Variants in MGAT4C observed in about 807,000 individuals in gnomAD.
MGAT4C encodes the protein MGAT4 family member C.
Under a neutral mutation model 40.1 loss-of-function variants are expected in MGAT4C, and 19 were observed. The ratio of observed to expected loss-of-function variants is 0.47; its 90% CI spans 0.33 to 0.70. MGAT4C has a LOEUF of 0.70. Among genes scored for constraint, MGAT4C ranks in the 30% least tolerant of loss-of-function variants. MGAT4C has a pLI of 0.02. For synonymous variants in MGAT4C, 181 were observed against 187.1 expected, an observed-to-expected ratio of 0.97 and a Z score of 0.27; for missense variants, 491 against 563.2, an observed-to-expected ratio of 0.87 and a Z score of 1.30.
At chr12:86,321,951 T>C (rs1954400714) in intron 4 of MGAT4C, among the ~76,000 whole-genome samples, 1 of 151,980 alleles carries the variant, frequency 6.6e-6, no homozygotes, top group African/African-American at 2.4e-5. Context: ...CTATTCACAA[T>C]AGCAAAGACT....
rs146970686 is a variant in MGAT4C at position 86,637,971 on chromosome 12, T to C, written c.-229+89238A>G. Among the ~76,000 whole-genome samples the C allele has an allele frequency of 3.0e-3, 463 of 152,082 alleles. 2 individuals carry two copies. The highest frequency in any genetic ancestry group is 0.011 in the African/African-American group (442 of 41,560). On this transcript the variant is annotated intron_variant, in intron 2 of 7. Coordinates refer to the MGAT4C transcript ENST00000548651. The stretch of plus-strand genomic sequence containing the variant: ...TACTATTTGTGCATGATTATTTTAA[T>C]ACTTCAGAGAACATGGCCAAGCAGC...
At chr12:86,525,608 G>C (rs990543518) in intron 2 of MGAT4C, among the ~76,000 whole-genome samples, 2 of 152,082 alleles carry the variant, frequency 1.3e-5, no homozygotes, top group African/African-American at 4.8e-5. Flanking sequence ...ACCTTTGCAT[G>C]TTTTTTTCTT....
chr12:86,172,131 A>G (rs767602112), intron 1 of MGAT4C, among the ~76,000 whole-genome samples: 13 of 152,194 alleles, frequency 8.5e-5, no homozygotes, highest in Non-Finnish European at 1.5e-4. Context: ...GAATTGAATG[A>G]AGTAATATGA....
chr12:86,666,793 A>G (rs888236853), intron 2 of MGAT4C, among the ~76,000 whole-genome samples: 1 of 152,198 alleles, frequency 6.6e-6, no homozygotes, highest in Non-Finnish European at 1.5e-5. Context: ...AGATGTCCTT[A>G]AACAGTGAAG....
At chr12:86,577,038 T>C (rs546829441) in intron 2 of MGAT4C, among the ~76,000 whole-genome samples, 1 of 151,808 alleles carries the variant, frequency 6.6e-6, no homozygotes, top group East Asian at 1.9e-4. Context: ...TCTTTTGTTA[T>C]GTTAATTCCT....
rs539437719 is a variant in MGAT4C, at chr12:86,349,891, TAAATATAATTTATTCC to T, written c.-119-15780_-119-15765del. ...AATACCTTCTTTCTAATCTAAAATG[TAAATATAATTTATTCC>T]AAATATAATTTATTCCATAAATTCT... On this transcript the variant is annotated intron_variant, in intron 3 of 7. Transcript: ENST00000548651. 2.6e-4 allele frequency among the ~76,000 whole-genome samples: 39 copies of T among 152,224 alleles called. 1 individual carries two copies. Among genetic ancestry groups the T allele is most frequent in the African/African-American group, 5.1e-4 (21 of 41,568 alleles).
chr12:86,730,070 A>G (rs943314011), intron 1 of MGAT4C, among the ~76,000 whole-genome samples: 1 of 152,046 alleles, frequency 6.6e-6, no homozygotes, highest in African/African-American at 2.4e-5. Context: ...ACATTACAGC[A>G]TAGATTTTTC....
intron 1 of MGAT4C, among the ~76,000 whole-genome samples, chr12:86,111,232 T>C (rs779330448): frequency 2.6e-5 from 4 of 151,762 alleles, no homozygotes; most frequent in Non-Finnish European, 5.9e-5. Context: ...TAAACTAACC[T>C]AAAAGTTAAT....
chr12:86,319,630 C>T (rs896561653), intron 4 of MGAT4C, among the ~76,000 whole-genome samples: 1 of 152,130 alleles, frequency 6.6e-6, no homozygotes, highest in African/African-American at 2.4e-5. Flanking sequence ...TGGAATGACA[C>T]TAGGATGTTG....
chr12:86,369,246 T>G (rs975904713), intron 3 of MGAT4C, among the ~76,000 whole-genome samples: 5 of 152,094 alleles, frequency 3.3e-5, no homozygotes, highest in Admixed American at 3.3e-4. Flanking sequence ...ATATATTTAC[T>G]TAAATCTAAT....
At chr12:86,027,035 C>A (rs1473860647) in intron 2 of MGAT4C, among the ~76,000 whole-genome samples, 1 of 151,910 alleles carries the variant, frequency 6.6e-6, no homozygotes, top group African/African-American at 2.4e-5. Flanking sequence ...ATAAGTAGGT[C>A]CACATTCTAA....
intron 1 of MGAT4C, among the ~76,000 whole-genome samples, chr12:86,792,044 G>T (rs1450576203): frequency 6.6e-6 from 1 of 152,234 alleles, no homozygotes; most frequent in East Asian, 1.9e-4. Context: ...GTACTTACAG[G>T]TGTACAACGT....
At chr12:86,818,549 T>C (rs536578929) in intron 1 of MGAT4C, among the ~76,000 whole-genome samples, 27 of 151,016 alleles carry the variant, frequency 1.8e-4, no homozygotes, top group African/African-American at 5.1e-4. Flanking sequence ...AATAGGTAAT[T>C]AAGGTGATTC....
intron 3 of MGAT4C, among the ~76,000 whole-genome samples, chr12:86,394,468 A>G (rs1319506341): frequency 2.1e-5 from 3 of 145,394 alleles, no homozygotes; most frequent in African/African-American, 5.0e-5. Flanking sequence ...AATTATATAT[A>G]TATACTTTTT....
At chr12:86,821,253 A>G (rs1298524852) in intron 1 of MGAT4C, among the ~76,000 whole-genome samples, 1 of 150,930 alleles carries the variant, frequency 6.6e-6, no homozygotes, top group Non-Finnish European at 1.5e-5. Flanking sequence ...CAGCAACTAT[A>G]AAAGTTCCTG....
intron 2 of MGAT4C, among the ~76,000 whole-genome samples, chr12:86,691,979 T>G (rs1486339315): frequency 6.6e-6 from 1 of 152,166 alleles, no homozygotes; most frequent in Non-Finnish European, 1.5e-5. Flanking sequence ...TTACTTTAAT[T>G]AAGATATTGG....
chr12:86,747,787 A>G (rs1951174607), intron 1 of MGAT4C, among the ~76,000 whole-genome samples: 1 of 151,460 alleles, frequency 6.6e-6, no homozygotes. Flanking sequence ...TTTTTTAAAA[A>G]AAAGCTGGTA....
At chr12:86,491,861 T>C (rs1958143845) in intron 2 of MGAT4C, among the ~76,000 whole-genome samples, 1 of 152,120 alleles carries the variant, frequency 6.6e-6, no homozygotes, top group African/African-American at 2.4e-5. Flanking sequence ...AAATTGTCCC[T>C]GTTTGCAGAC....
At chr12:86,433,141 G>C (rs1957073092) in intron 3 of MGAT4C, among the ~76,000 whole-genome samples, 1 of 151,850 alleles carries the variant, frequency 6.6e-6, no homozygotes, top group Admixed American at 6.6e-5. Flanking sequence ...TCATCAGGGG[G>C]GCAGAGATGC....
Sources: gnomAD v4.1 joint callset for allele counts (sites outside exome capture counted in the v4.1 genomes callset) on GRCh38, gnomAD v4.1.1 for gene constraint, MANE v1.5 for transcripts, NCBI Gene and HGNC (gene_info 2026-07-23, HGNC 2026-07-21) for gene names.